Variants in ABCC4 observed in about 807,000 individuals in gnomAD.
ABCC4 encodes ATP binding cassette subfamily C member 4 (PEL blood group), also known as ATP-binding cassette sub-family C member 4.
In ABCC4, 102 loss-of-function variants were observed where a neutral mutation model predicts 168.5. The ratio of observed to expected loss-of-function variants is 0.61; its 90% CI spans 0.52 to 0.71. The LOEUF is 0.71. Ranked by LOEUF, ABCC4 falls within the 30% of genes least tolerant of loss-of-function variation. The pLI is 0.00. For missense variants in ABCC4, 1,402 were observed against 1,605.8 expected (o/e 0.87, Z 2.17); for synonymous variants, 617 against 590.7 (o/e 1.04, Z -0.65).
At chr13:95,125,263 T>C (rs2035717193) in intron 19 of ABCC4, among the ~76,000 whole-genome samples, 1 of 152,188 alleles carries the variant, frequency 6.6e-6, no homozygotes, top group Non-Finnish European at 1.5e-5. Flanking sequence ...TTCTATTAAA[T>C]GTCTACTAAT....
chr13:95,231,243 C>A (rs1015210624), intron 4 of ABCC4, among the ~76,000 whole-genome samples: 1 of 152,040 alleles, frequency 6.6e-6, no homozygotes, highest in Non-Finnish European at 1.5e-5. Context: ...TTAATGCAAA[C>A]GAACTACTAC....
At chr13:95,241,356 T>TC (rs1170682782) in intron 3 of ABCC4, among the ~76,000 whole-genome samples, 1 of 112,402 alleles carries the variant, frequency 8.9e-6, no homozygotes, top group East Asian at 2.3e-4. Flanking sequence ...AGAATGAGAC[T>TC]CCATCTCAGG....
At chr13:95,132,383 T>C (rs1405144186) in intron 19 of ABCC4, among the ~76,000 whole-genome samples, 1 of 152,006 alleles carries the variant, frequency 6.6e-6, no homozygotes, top group Non-Finnish European at 1.5e-5. Context: ...GCCCGGCTAA[T>C]TTTTGTATTT....
At chr13:95,136,912 G>C (rs1023383745) in intron 19 of ABCC4, among the ~76,000 whole-genome samples, 1 of 152,218 alleles carries the variant, frequency 6.6e-6, no homozygotes, top group Non-Finnish European at 1.5e-5. Context: ...CATCACATTC[G>C]TGCAGAAAGC....
At chr13:95,149,374 T>C (rs2036600612) in intron 19 of ABCC4, among the ~76,000 whole-genome samples, 1 of 152,180 alleles carries the variant, frequency 6.6e-6, no homozygotes. Flanking sequence ...TCCCTTTTCA[T>C]TTTCATGCTA....
chr13:95,265,934 G>A (rs765272610), intron 1 of ABCC4, among the ~76,000 whole-genome samples: 5 of 152,076 alleles, frequency 3.3e-5, no homozygotes, highest in Non-Finnish European at 5.9e-5. Context: ...ACAAAAGGTC[G>A]GGCTGTATCT....
In ABCC4 at chr13:95,163,702, C is replaced by T. The variant is rs2037171662; in HGVS notation, c.2176-55G>A. ...ATCAAACTTGGGCATGACTTACCAA[C>T]TCAAAACTCTCAATCGCTAACATGG... On this transcript the variant is annotated intron_variant, in intron 16 of 30. Coordinates refer to ENST00000645237, the MANE Select transcript of ABCC4 (RefSeq NM_005845.5). The T allele has an allele frequency of 7.8e-6, 11 of 1,410,240 alleles. No individual in the cohort carries two copies. The South Asian group carries it at 1.2e-4, about 15-fold the overall frequency. The allele number at this position is 1,410,240 out of a possible 1,614,324, so 87.4% of individuals were successfully genotyped here.
At chr13:95,024,964 T>C (rs747507096) in intron 30 of ABCC4, among the ~76,000 whole-genome samples, 2 of 151,986 alleles carry the variant, frequency 1.3e-5, no homozygotes, top group Non-Finnish European at 2.9e-5. Flanking sequence ...TGAGAAGATG[T>C]CTATGAAGAG....
chr13:95,023,595 CA>C (rs2139191256), intron 30 of ABCC4, among the ~76,000 whole-genome samples: 1 of 152,300 alleles, frequency 6.6e-6, no homozygotes, highest in South Asian at 2.1e-4. Flanking sequence ...CATGAGATAA[CA>C]ATAGCTTACG....
intron 1 of ABCC4, among the ~76,000 whole-genome samples, chr13:95,251,819 TC>T (rs2040269556): frequency 6.6e-6 from 1 of 152,056 alleles, no homozygotes; most frequent in Non-Finnish European, 1.5e-5. Context: ...TATACAGTCA[TC>T]CCCCCATATC....
rs56169430 is a variant in ABCC4 at position 95,097,592 on chromosome 13, CTTTTTTTTTTTTT to C, written c.2536-14315_2536-14303del. Reference sequence around the variant, plus strand: ...ACTCCACAGCTACAGAATATACATTCTTTTTTTTTTTTTTTTTTTTTTTTCAAATGCACAGGGG... The same window carrying C: ...ACTCCACAGCTACAGAATATACATTCTTTTTTTTTTTCAAATGCACAGGGG... On this transcript the variant is annotated intron_variant, in intron 20 of 30. Transcript: ENST00000645237. Among the ~76,000 whole-genome samples the C allele has an allele frequency of 4.9e-5, 4 of 82,112 alleles. No individual in the cohort carries two copies. In the South Asian group the frequency reaches 2.5e-3, roughly 51 times the overall value. The allele number at this position is 82,112 out of a possible 152,430, so 53.9% of individuals were successfully genotyped here.
intron 1 of ABCC4, among the ~76,000 whole-genome samples, 188 bp downstream of exon 1, chr13:95,301,053 A>G (rs957724370): frequency 6.6e-6 from 1 of 151,690 alleles, no homozygotes; most frequent in African/African-American, 2.4e-5. Context: ...GCAGGCAGGG[A>G]CCACGCGGCC....
chr13:95,098,108 C>T (rs533153144), intron 20 of ABCC4, among the ~76,000 whole-genome samples: 53 of 141,894 alleles, frequency 3.7e-4, no homozygotes, highest in African/African-American at 1.3e-3. Context: ...TGCACTCCAG[C>T]CTGGGCGACA....
At chr13:95,167,659 G>T (rs1347482660) in intron 14 of ABCC4, among the ~76,000 whole-genome samples, 2 of 152,144 alleles carry the variant, frequency 1.3e-5, no homozygotes, top group African/African-American at 4.8e-5. Flanking sequence ...TTGATAAAAT[G>T]ACCACTTTTC....
chr13:95,099,970 CT>C (rs1468045709), intron 20 of ABCC4, among the ~76,000 whole-genome samples: 1 of 152,046 alleles, frequency 6.6e-6, no homozygotes. Context: ...CAGTCCAAAC[CT>C]TTTTTTGTTC....
intron 19 of ABCC4, among the ~76,000 whole-genome samples, chr13:95,158,766 T>A (rs1289932588): frequency 6.6e-6 from 1 of 152,006 alleles, no homozygotes; most frequent in African/African-American, 2.4e-5. Context: ...TAGAGGGGAA[T>A]TTTTATTTAT....
In ABCC4 at chr13:95,058,533, C is replaced by T. The variant is rs373533332; in HGVS notation, c.3366+4171G>A. ...GCAGTGAGCTGAGATGGCGTCACTG[C>T]AGTCCAGCCTGGCAACAGAGCAAGA... On this transcript the variant is annotated intron_variant, in intron 26 of 30. Coordinates refer to ENST00000645237, the MANE Select transcript of ABCC4 (RefSeq NM_005845.5). 3.4e-5 allele frequency among the ~76,000 whole-genome samples: 4 copies of T among 118,852 alleles called. No homozygotes were observed. The South Asian group carries it at 8.9e-4, about 26-fold the overall frequency. The allele number at this position is 118,852 out of a possible 152,430, so 78.0% of individuals were successfully genotyped here. A position where few individuals can be genotyped will look rare whatever the true frequency, so the allele number is the denominator to read the frequency against.
intron 1 of ABCC4, among the ~76,000 whole-genome samples, chr13:95,264,964 G>A (rs1454764851): frequency 6.7e-6 from 1 of 149,692 alleles, no homozygotes; most frequent in East Asian, 2.0e-4. Context: ...CGCTTCCTGG[G>A]TTCAAGCGAT....
At chr13:95,211,190 C>T (rs1044318034) in intron 4 of ABCC4, among the ~76,000 whole-genome samples, 1 of 152,164 alleles carries the variant, frequency 6.6e-6, no homozygotes, top group East Asian at 1.9e-4. Flanking sequence ...TTATTAAACA[C>T]ATGGGGCCTT....
Sources: gnomAD v4.1 joint callset for allele counts (sites outside exome capture counted in the v4.1 genomes callset) on GRCh38, gnomAD v4.1.1 for gene constraint, MANE v1.5 for transcripts, NCBI Gene and HGNC (gene_info 2026-07-23, HGNC 2026-07-21) for gene names.